ARHGAP15: variants seen among roughly 807,000 people sequenced by gnomAD.
ARHGAP15 encodes the protein Rho GTPase activating protein 15, also known as rho GTPase-activating protein 15.
In ARHGAP15, 51 loss-of-function variants were observed where a neutral mutation model predicts 63.7. The ratio of observed to expected loss-of-function variants is 0.80; its 90% CI spans 0.64 to 1.01. The LOEUF (loss-of-function observed/expected upper bound fraction) is 1.01. ARHGAP15 is among the 50% of genes least tolerant of loss of function. The pLI is 0.00. For missense variants in ARHGAP15, 560 were observed against 564.6 expected (o/e 0.99, Z 0.08); for synonymous variants, 191 against 193.8 (o/e 0.99, Z 0.12).
intron 11 of ARHGAP15, among the ~76,000 whole-genome samples, chr2:143,583,366 C>A (rs1696984859): frequency 1.3e-5 from 2 of 152,128 alleles, no homozygotes; most frequent in East Asian, 1.9e-4. Flanking sequence ...AGAGAAGAAG[C>A]AATTCTTCTA....
At chr2:143,474,352 T>C (rs1338482926) in intron 8 of ARHGAP15, among the ~76,000 whole-genome samples, 1 of 152,214 alleles carries the variant, frequency 6.6e-6, no homozygotes, top group African/African-American at 2.4e-5. Context: ...TGCATAATTA[T>C]GCATACAAAT....
intron 10 of ARHGAP15, among the ~76,000 whole-genome samples, chr2:143,551,739 T>A (rs886082572): frequency 1.3e-5 from 2 of 152,106 alleles, no homozygotes; most frequent in African/African-American, 4.8e-5. Context: ...GAAGGATGGG[T>A]GTCTCATAAG....
chr2:143,195,227 A>G (rs929222073), intron 2 of ARHGAP15, among the ~76,000 whole-genome samples: 4 of 152,184 alleles, frequency 2.6e-5, no homozygotes, highest in Non-Finnish European at 4.4e-5. Flanking sequence ...CCAAAAAAAA[A>G]AGAGAGAATA....
chr2:143,632,917 G>T (rs574664911), intron 12 of ARHGAP15, among the ~76,000 whole-genome samples: 4 of 152,144 alleles, frequency 2.6e-5, no homozygotes, highest in African/African-American at 7.2e-5. Flanking sequence ...AACAGAGCTT[G>T]CAAGGCACTT....
At chr2:143,654,394 A>G (rs753491629) in intron 12 of ARHGAP15, among the ~76,000 whole-genome samples, 1 of 152,194 alleles carries the variant, frequency 6.6e-6, no homozygotes, top group Non-Finnish European at 1.5e-5. Flanking sequence ...TGAGAAAAGC[A>G]TAATATACTT....
intron 13 of ARHGAP15, among the ~76,000 whole-genome samples, chr2:143,728,674 G>A (rs1685393973): frequency 6.6e-6 from 1 of 152,102 alleles, no homozygotes; most frequent in Non-Finnish European, 1.5e-5. Context: ...ATACCTTCTT[G>A]CTAGACTGGA....
intron 12 of ARHGAP15, among the ~76,000 whole-genome samples, chr2:143,644,122 G>T (rs1680746881): frequency 6.6e-6 from 1 of 152,098 alleles, no homozygotes; most frequent in South Asian, 2.1e-4. Flanking sequence ...GGAACTTTCA[G>T]AAATGAAGAT....
rs76093874 is a variant in ARHGAP15 at position 143,736,426 on chromosome 2, A to G, written c.1245-31563A>G. On this transcript the variant is annotated intron_variant, in intron 13 of 13. Coordinates refer to ENST00000295095, the MANE Select transcript of ARHGAP15 (RefSeq NM_018460.4). ...AAAAAAAAGCAAAAAAACAAACAAC[A>G]CACCTATATGTGGAGACAGTAGAGT... 1.7e-3 allele frequency among the ~76,000 whole-genome samples: 255 copies of G among 151,874 alleles called. 2 individuals carry two copies. Among genetic ancestry groups the G allele is most frequent in the African/African-American group, 5.9e-3 (243 of 41,474 alleles).
intron 6 of ARHGAP15, among the ~76,000 whole-genome samples, chr2:143,366,803 C>T (rs1043821369): frequency 6.6e-6 from 1 of 152,002 alleles, no homozygotes; most frequent in Non-Finnish European, 1.5e-5. Flanking sequence ...TAAAAAATTT[C>T]AGTTGGAAAA....
intron 6 of ARHGAP15, among the ~76,000 whole-genome samples, chr2:143,284,680 G>C (rs1040657134): frequency 2.0e-5 from 3 of 152,118 alleles, no homozygotes; most frequent in Non-Finnish European, 2.9e-5. Flanking sequence ...TCATCAGTGA[G>C]ATAACCAACA....
chr2:143,156,605 A>G (rs1247312143), intron 2 of ARHGAP15, among the ~76,000 whole-genome samples: 1 of 151,868 alleles, frequency 6.6e-6, no homozygotes, highest in Non-Finnish European at 1.5e-5. Flanking sequence ...CATGTTACCA[A>G]TTGTATTTAT....
chr2:143,627,780 G>A (rs566351369), intron 12 of ARHGAP15, among the ~76,000 whole-genome samples: 1 of 152,014 alleles, frequency 6.6e-6, no homozygotes, highest in Non-Finnish European at 1.5e-5. Context: ...ACCATAGGAG[G>A]GTTGGTCCTA....
rs1680139981 is a variant in ARHGAP15, at chr2:143,633,193, G to A, written c.1138+8926G>A. Among the ~76,000 whole-genome samples the A allele has an allele frequency of 1.3e-5, 2 of 152,152 alleles. 1 individual carries two copies. The highest frequency in any genetic ancestry group is 2.9e-5 in the Non-Finnish European group (2 of 68,024). On this transcript the variant is annotated intron_variant, in intron 12 of 13. Coordinates refer to ENST00000295095, the MANE Select transcript of ARHGAP15 (RefSeq NM_018460.4). ...GTTGTGGTTGCTTTTTAATGTGTGTGTGTGTGCACGTGTGCACGCAAACTG... is the reference window on the plus strand; with the variant it reads ...GTTGTGGTTGCTTTTTAATGTGTGTATGTGTGCACGTGTGCACGCAAACTG...
chr2:143,533,057 G>C (rs1320420312), intron 10 of ARHGAP15, among the ~76,000 whole-genome samples: 1 of 152,228 alleles, frequency 6.6e-6, no homozygotes, highest in East Asian at 1.9e-4. Flanking sequence ...GTTTCTTCTT[G>C]TCTAGAGTTT....
At chr2:143,651,851 C>T (rs1415327322) in intron 12 of ARHGAP15, among the ~76,000 whole-genome samples, 6 of 151,902 alleles carry the variant, frequency 3.9e-5, no homozygotes, top group Admixed American at 6.6e-5. Flanking sequence ...TTGCCATCTT[C>T]ATGTTTTCTT....
In ARHGAP15 at chr2:143,634,338, C is replaced by A. The variant is rs190557960; in HGVS notation, c.1138+10071C>A. Among the ~76,000 whole-genome samples, 21 of 152,230 alleles carry A rather than the reference C, an allele frequency of 1.4e-4. No homozygotes were observed. In the East Asian group the frequency reaches 3.3e-3, roughly 24 times the overall value. ...CGCACACCACCACCTGTATTCAAAT[C>A]CTGTCTCCACCATTTACTATCTAGA... On this transcript the variant is annotated intron_variant, in intron 12 of 13. Transcript: ENST00000295095.
At chr2:143,325,510 C>T (rs1684209791) in intron 6 of ARHGAP15, among the ~76,000 whole-genome samples, 1 of 152,034 alleles carries the variant, frequency 6.6e-6, no homozygotes. Flanking sequence ...TTCCCAGAGT[C>T]CTCCCTAGTC....
At chr2:143,493,703 G>A (rs1178451598) in intron 9 of ARHGAP15, among the ~76,000 whole-genome samples, 1 of 152,124 alleles carries the variant, frequency 6.6e-6, no homozygotes, top group African/African-American at 2.4e-5. Flanking sequence ...AATTTGCACT[G>A]GTTGCTCTCC....
chr2:143,356,650 G>A (rs1051313730), intron 6 of ARHGAP15, among the ~76,000 whole-genome samples: 1 of 151,978 alleles, frequency 6.6e-6, no homozygotes, highest in East Asian at 1.9e-4. Flanking sequence ...AAAAAGAAAC[G>A]CTTACCTTTA....
Sources: gnomAD v4.1 joint callset for allele counts (sites outside exome capture counted in the v4.1 genomes callset) on GRCh38, gnomAD v4.1.1 for gene constraint, MANE v1.5 for transcripts, NCBI Gene and HGNC (gene_info 2026-07-23, HGNC 2026-07-21) for gene names.